Variants in SPEN observed in about 807,000 individuals in gnomAD.
SPEN encodes msx2-interacting protein.
In SPEN, 18 loss-of-function variants were observed where a neutral mutation model predicts 269.9. The ratio of observed to expected loss-of-function variants is 0.07; its 90% CI spans 0.05 to 0.10. SPEN has a LOEUF of 0.10. Ranked by LOEUF, SPEN falls within the 10% of genes least tolerant of loss-of-function variation. The pLI, the probability that SPEN is intolerant of heterozygous loss-of-function variation, is 1.00. For synonymous variants in SPEN, 1,726 were observed against 1,765.7 expected (o/e 0.98, Z 0.56); for missense variants, 3,822 against 4,631.2 (o/e 0.83, Z 5.07).
In SPEN at chr1:15,890,559, T is replaced by A. The variant is rs78899828; in HGVS notation, c.881+13881T>A. Among the ~76,000 whole-genome samples, 111 of 122,548 alleles carry A rather than the reference T, an allele frequency of 9.1e-4. 6 individuals carry two copies. Among genetic ancestry groups the A allele is most frequent in the Admixed American group, 2.0e-3 (26 of 12,846 alleles). The allele number at this position is 122,548 out of a possible 152,430, so 80.4% of individuals were successfully genotyped here. Reference sequence around the variant, plus strand: ...TGATATTTTTAGATTTTGACTCAGGTTTTTTTTTTTTTTTTTTTTTTAAGA... The same window carrying A: ...TGATATTTTTAGATTTTGACTCAGGATTTTTTTTTTTTTTTTTTTTTAAGA... On this transcript the variant is annotated intron_variant, in intron 3 of 14. Transcript: ENST00000375759.
At chr1:15,898,234 G>A (rs948241022) in intron 3 of SPEN, among the ~76,000 whole-genome samples, 4 of 149,556 alleles carry the variant, frequency 2.7e-5, no homozygotes, top group African/African-American at 5.0e-5. Flanking sequence ...CCATTTTAAC[G>A]ACTTTTAAGT....
rs2071265896 is a variant in SPEN, at chr1:15,935,527, G to A, written c.9287G>A (p.Gly3096Asp). ...GTGTCCCTGAGCCACCTCTCCCAGGGCGAGGTGAGAATGAACACTCCCACG... is the reference window on the plus strand; with the variant it reads ...GTGTCCCTGAGCCACCTCTCCCAGGACGAGGTGAGAATGAACACTCCCACG... ...QTVSLSHLSQ[G>D]EVRMNTPTLP... The change falls in exon 11 of 15, where the codon GGC (glycine) becomes GAC (aspartate). Residue 3096 changes from glycine (G) to aspartate (D), a missense_variant. Transcript: ENST00000375759. This position sits in a 1 kb window ranked among gnomAD's most constrained non-coding sequence, Gnocchi z 7.7. 2 of 1,613,878 alleles carry A rather than the reference G, an allele frequency of 1.2e-6. No homozygotes were observed. Among genetic ancestry groups the A allele is most frequent in the Admixed American group, 1.7e-5 (1 of 59,974 alleles).
At chr1:15,868,826 G>C (rs1407078794) in intron 1 of SPEN, among the ~76,000 whole-genome samples, 5 of 152,052 alleles carry the variant, frequency 3.3e-5, no homozygotes, top group African/African-American at 1.2e-4. Flanking sequence ...GTTTTACTTT[G>C]GTTTTAATTT....
At position 15,937,547 on chromosome 1, in the gene SPEN, C is replaced by G. The variant is rs753324420; in HGVS notation, c.10411C>G (p.Leu3471Val). 2 of 1,614,182 alleles carry G rather than the reference C, an allele frequency of 1.2e-6. No homozygotes were observed. The highest frequency in any genetic ancestry group is 2.2e-5 in the South Asian group (2 of 91,088). ...CTCTGGCCCCAGCACCCCACCAGGA[C>G]TGGTTCTGCCACACACTGAATTCCA... ...TTSGPSTPPGLVLPHTEFQPA... is the reference protein window; with the variant it reads ...TTSGPSTPPGVVLPHTEFQPA... The change falls in exon 12 of 15, where the codon CTG becomes GTG. Residue 3471 changes from leucine to valine, a missense_variant. Leu to Val is a conservative substitution (Grantham distance 32). Transcript: ENST00000375759. This position sits in a 1 kb window ranked among gnomAD's most constrained non-coding sequence, Gnocchi z 5.7.
rs1351277717 is a variant in SPEN at position 15,932,467 on chromosome 1, A to T, written c.6227A>T (p.Lys2076Met). The change falls in exon 11 of 15, where the codon AAG (lysine) becomes ATG (methionine). Residue 2076 changes from lysine (K) to methionine (M), a missense_variant. Coordinates refer to ENST00000375759, the MANE Select transcript of SPEN (RefSeq NM_015001.3). This position sits in a 1 kb window ranked among gnomAD's most constrained non-coding sequence, Gnocchi z 4.2. ...KPAPEKNSKS[K>M]RGRSRNSRLA... ...GCCCCTGAAAAAAACTCCAAATCAA[A>T]GAGAGGAAGATCTCGAAACTCCAGG... 1.2e-6 allele frequency: 2 copies of T among 1,611,566 alleles called. No homozygotes were observed. Among genetic ancestry groups the T allele is most frequent in the South Asian group, 1.1e-5 (1 of 90,816 alleles).
intron 1 of SPEN, among the ~76,000 whole-genome samples, chr1:15,865,087 T>A (rs1181231601): frequency 6.6e-6 from 1 of 152,132 alleles, no homozygotes; most frequent in African/African-American, 2.4e-5. Flanking sequence ...AGTCTCACTC[T>A]GTCGCCCGGG....
intron 1 of SPEN, among the ~76,000 whole-genome samples, chr1:15,851,202 A>G (rs1168386848): frequency 6.6e-6 from 1 of 152,010 alleles, no homozygotes; most frequent in Admixed American, 6.6e-5. Context: ...GTGGATGGCG[A>G]TTTGGCTTTT....
chr1:15,937,457 C>T lies in SPEN; in HGVS notation c.10321C>T (p.Pro3441Ser). 1.2e-6 allele frequency: 2 copies of T among 1,613,896 alleles called. No homozygotes were observed. Among genetic ancestry groups the T allele is most frequent in the Non-Finnish European group, 8.5e-7 (1 of 1,180,030 alleles). Reference protein sequence around the residue: ...FPSPVSVSMKPDLPVSLPTQT... With the variant: ...FPSPVSVSMKSDLPVSLPTQT... ...CTCCCCTGTGTCTGTCTCCATGAAG[C>T]CTGACCTTCCAGTCTCTCTTCCCAC... The change falls in exon 12 of 15, where the codon CCT becomes TCT. Residue 3441 changes from proline to serine, a missense_variant. Physicochemically the swap from Pro to Ser is moderately conservative, Grantham distance 74. Transcript: ENST00000375759. This position sits in a 1 kb window ranked among gnomAD's most constrained non-coding sequence, Gnocchi z 5.7.
At chr1:15,921,270 C>T (rs950440042) in intron 9 of SPEN, among the ~76,000 whole-genome samples, 19 of 152,172 alleles carry the variant, frequency 1.2e-4, no homozygotes, top group African/African-American at 4.3e-4. Flanking sequence ...GCGGAGGTTG[C>T]AGTGTGCTGA....
intron 3 of SPEN, among the ~76,000 whole-genome samples, chr1:15,886,398 C>G (rs1319625336): frequency 6.6e-6 from 1 of 152,186 alleles, no homozygotes; most frequent in Non-Finnish European, 1.5e-5. Flanking sequence ...CTGGAACCAT[C>G]CAGTTTGAGT....
intron 1 of SPEN, among the ~76,000 whole-genome samples, chr1:15,872,258 A>T (rs544467255): frequency 6.0e-5 from 9 of 149,570 alleles, no homozygotes; most frequent in African/African-American, 2.2e-4. Context: ...CATTTCAGCT[A>T]AGGGTTCTAG....
Position 15,937,380 on chromosome 1 carries a change from C to T in SPEN, c.10244C>T (p.Pro3415Leu), listed in dbSNP as rs971901910. The change falls in exon 12 of 15, where the codon CCT (proline) becomes CTT (leucine). Residue 3415 changes from proline to leucine, a missense_variant. Coordinates refer to ENST00000375759, the MANE Select transcript of SPEN (RefSeq NM_015001.3). The surrounding 1 kb of genome is among the most constrained non-coding windows in gnomAD (Gnocchi z 5.7). ...GGACCTGCAAACAGGCCACCTGAGC[C>T]TCACACCCAGGTTCAGAGGGCACAA... ...PAGPANRPPE[P>L]HTQVQRAQAE... The T allele has an allele frequency of 8.7e-6, 14 of 1,613,840 alleles. No homozygotes were observed. Among genetic ancestry groups the T allele is most frequent in the Non-Finnish European group, 1.2e-5 (14 of 1,180,030 alleles).
At chr1:15,903,433 G>A (rs528468044) in intron 3 of SPEN, among the ~76,000 whole-genome samples, 1 of 152,178 alleles carries the variant, frequency 6.6e-6, no homozygotes, top group Non-Finnish European at 1.5e-5. Context: ...TTCCAGCCCA[G>A]GCTGGAGTGC....
chr1:15,913,489 T>C (rs2071029810), intron 5 of SPEN, among the ~76,000 whole-genome samples: 1 of 152,058 alleles, frequency 6.6e-6, no homozygotes, highest in Non-Finnish European at 1.5e-5. Flanking sequence ...AGGGTCTCAC[T>C]CTGTTGCCAC....
intron 1 of SPEN, among the ~76,000 whole-genome samples, chr1:15,868,323 G>C (rs951384026): frequency 6.6e-6 from 1 of 151,582 alleles, no homozygotes; most frequent in Non-Finnish European, 1.5e-5. Context: ...TAGAAAATTG[G>C]ATTGTGCTTT....
In SPEN at chr1:15,933,356, G is replaced by A. The variant is rs138747554; in HGVS notation, c.7116G>A (p.Gly2372=). 103 of 1,614,122 alleles carry A rather than the reference G, an allele frequency of 6.4e-5. No individual in the cohort carries two copies. The African/African-American group carries it at 1.1e-3, about 17-fold the overall frequency. ...GTGAGAGTCCTGCTGCAAATGAGGGGACAACAGTACAGCACCCCGAAGCCC... is the reference window on the plus strand; with the variant it reads ...GTGAGAGTCCTGCTGCAAATGAGGGAACAACAGTACAGCACCCCGAAGCCC... The part of the protein sequence containing the change: ...AQGESPAANE[G]TTVQHPEAPQ... Residue 2372 remains glycine, a synonymous_variant, in exon 11 of 15, where the codon GGG becomes GGA. Transcript: ENST00000375759. The surrounding 1 kb of genome is among the most constrained non-coding windows in gnomAD (Gnocchi z 5.7).
Position 15,934,603 on chromosome 1 carries a change from G to C in SPEN, c.8363G>C (p.Gly2788Ala). 2 of 1,613,936 alleles carry C rather than the reference G, an allele frequency of 1.2e-6. No individual in the cohort carries two copies. Among genetic ancestry groups the C allele is most frequent in the Non-Finnish European group, 1.7e-6 (2 of 1,179,854 alleles). ...AATGAAAACAGTCGGTTCCACCCAG[G>C]GTCCATGCCTGTGATCGACGATCGT... is the stretch of plus-strand genomic sequence containing the variant. ...SANENSRFHP[G>A]SMPVIDDRPA... The change falls in exon 11 of 15, where the codon GGG (glycine) becomes GCG (alanine). Residue 2788 changes from glycine (G) to alanine (A), a missense_variant. Physicochemically the swap from Gly to Ala is moderately conservative, Grantham distance 60. Transcript: ENST00000375759. The surrounding 1 kb of genome is among the most constrained non-coding windows in gnomAD (Gnocchi z 9.2).
At chr1:15,906,453 C>CT (rs200731520) in intron 3 of SPEN, among the ~76,000 whole-genome samples, 7,991 of 92,152 alleles carry the variant, frequency 0.087, 400 homozygotes, top group Non-Finnish European at 0.1. Context: ...TCTTTCTTTC[C>CT]TTTTTTTTTT....
In SPEN at chr1:15,880,062, T is replaced by C. The variant is rs183695294; in HGVS notation, c.881+3384T>C. Among the ~76,000 whole-genome samples, 1,066 of 152,270 alleles carry C rather than the reference T, an allele frequency of 7.0e-3. 49 individuals are homozygous for C. The highest frequency in any genetic ancestry group is 0.065 in the Admixed American group (989 of 15,278). On this transcript the variant is annotated intron_variant, in intron 3 of 14. Coordinates refer to ENST00000375759, the MANE Select transcript of SPEN (RefSeq NM_015001.3). ...TGGAATTTCCACCTAAAAGGCCAGA[T>C]TTGGGCTCTTGTATGTTTTTTTCCC...
Sources: gnomAD v4.1 joint callset for allele counts (sites outside exome capture counted in the v4.1 genomes callset) on GRCh38, gnomAD v4.1.1 for gene constraint, Gnocchi (gnomAD v3.1) non-coding constraint, MANE v1.5 for transcripts, NCBI Gene and HGNC (gene_info 2026-07-23, HGNC 2026-07-21) for gene names.